The following CTNNA2 variants were observed in gnomAD, a reference collection of about 807,000 sequenced individuals.
The protein encoded by CTNNA2 is catenin alpha-2.
In CTNNA2, 42 loss-of-function variants were observed where a neutral mutation model predicts 101.0. That is an observed-to-expected ratio of 0.42 (90% CI 0.32 to 0.54). CTNNA2 has a LOEUF of 0.54. CTNNA2 is among the 20% of genes least tolerant of loss of function. The pLI is 0.14. For synonymous variants in CTNNA2, 450 were observed against 456.4 expected (o/e 0.99, Z 0.18); for missense variants, 871 against 1,223.1 (o/e 0.71, Z 4.29).
intron 7 of CTNNA2, among the ~76,000 whole-genome samples, chr2:80,198,591 G>A (rs1040691934): frequency 6.6e-6 from 1 of 152,142 alleles, no homozygotes; most frequent in African/African-American, 2.4e-5. Context: ...CATTCAATGT[G>A]TGAGACTGTT....
intron 7 of CTNNA2, among the ~76,000 whole-genome samples, chr2:79,962,619 G>T (rs1689721520): frequency 6.6e-6 from 1 of 152,128 alleles, no homozygotes; most frequent in South Asian, 2.1e-4. Context: ...CAACACAGTG[G>T]AGAACCAACT....
intron 7 of CTNNA2, among the ~76,000 whole-genome samples, chr2:80,079,557 G>T (rs895697129): frequency 2.0e-5 from 3 of 152,182 alleles, no homozygotes; most frequent in Non-Finnish European, 2.9e-5. Flanking sequence ...GCTCACGCCC[G>T]CAGTCCCAGT....
chr2:79,227,512 A>C (rs1434559569), intron 2 of CTNNA2, among the ~76,000 whole-genome samples: 1 of 152,160 alleles, frequency 6.6e-6, no homozygotes, highest in Non-Finnish European at 1.5e-5. Context: ...ACAATGTTAC[A>C]AGCATACCTC....
chr2:80,624,831 C>T (rs925052853), intron 18 of CTNNA2, among the ~76,000 whole-genome samples: 7 of 151,712 alleles, frequency 4.6e-5, no homozygotes, highest in Non-Finnish European at 7.4e-5. Flanking sequence ...CTAAGGTTGA[C>T]GACCTAAGGA....
At chr2:79,343,767 A>G (rs7603383) in intron 3 of CTNNA2, among the ~76,000 whole-genome samples, 17,957 of 151,240 alleles carry the variant, frequency 0.12, 1,319 homozygotes, top group East Asian at 0.35. Context: ...ATTTGCTACA[A>G]AGAATCCTAT....
rs1473617190 is a variant in CTNNA2, at chr2:79,893,151, A to G, written c.853-16443A>G. 2.0e-5 allele frequency among the ~76,000 whole-genome samples: 3 copies of G among 152,168 alleles called. No homozygotes were observed. In the East Asian group the frequency reaches 5.8e-4, roughly 29 times the overall value. On this transcript the variant is annotated intron_variant, in intron 6 of 18. Coordinates refer to ENST00000402739, the MANE Select transcript of CTNNA2 (RefSeq NM_001282597.3). ...ATATTTGAGAATAGTTGATTGTGCC[A>G]GACTGTTGTGTCTCATTATGAAAAA...
intron 7 of CTNNA2, among the ~76,000 whole-genome samples, chr2:80,191,682 C>G (rs577391466): frequency 5.3e-5 from 8 of 152,020 alleles, no homozygotes; most frequent in East Asian, 3.9e-4. Flanking sequence ...TGAAGAGTAA[C>G]AAAAAACATT....
chr2:80,253,862 G>T (rs1671945053), intron 7 of CTNNA2, among the ~76,000 whole-genome samples: 1 of 152,114 alleles, frequency 6.6e-6, no homozygotes, highest in East Asian at 1.9e-4. Flanking sequence ...TTGAATAATG[G>T]CATGGAGATA....
intron 17 of CTNNA2, among the ~76,000 whole-genome samples, chr2:80,613,811 G>A (rs114526238): frequency 0.012 from 1,756 of 151,548 alleles, 39 homozygotes; most frequent in African/African-American, 0.039. Context: ...TGGAGACATG[G>A]ATTGACCTTA....
intron 7 of CTNNA2, among the ~76,000 whole-genome samples, chr2:80,047,537 C>T (rs1696607670): frequency 6.6e-6 from 1 of 152,202 alleles, no homozygotes; most frequent in Non-Finnish European, 1.5e-5. Context: ...TGCTGACAAT[C>T]AGCAAGCCTC....
chr2:79,879,952 G>T (rs531706058), intron 6 of CTNNA2, among the ~76,000 whole-genome samples: 1 of 152,134 alleles, frequency 6.6e-6, no homozygotes, highest in South Asian at 2.1e-4. Flanking sequence ...ATTGGTTGTG[G>T]GTTTGTCATG....
chr2:80,505,252 G>A (rs1688176341), intron 9 of CTNNA2, among the ~76,000 whole-genome samples: 1 of 152,218 alleles, frequency 6.6e-6, no homozygotes, highest in African/African-American at 2.4e-5. Context: ...GTCAAAGTCA[G>A]GAAGAAAGTG....
intron 1 of CTNNA2, among the ~76,000 whole-genome samples, chr2:79,543,316 A>T (rs1329210164): frequency 6.6e-6 from 1 of 152,206 alleles, no homozygotes; most frequent in Non-Finnish European, 1.5e-5. Context: ...CCTATAAAAG[A>T]GTGTTAGGAT....
chr2:80,550,838 C>A (rs1430302776), intron 11 of CTNNA2, among the ~76,000 whole-genome samples: 1 of 152,116 alleles, frequency 6.6e-6, no homozygotes, highest in Non-Finnish European at 1.5e-5. Flanking sequence ...TTTCCAAACT[C>A]CTGTTAATGT....
chr2:79,698,815 C>G (rs1406177731), intron 2 of CTNNA2, among the ~76,000 whole-genome samples: 2 of 151,474 alleles, frequency 1.3e-5, no homozygotes, highest in Non-Finnish European at 2.9e-5. Context: ...TAAACATAAT[C>G]CCCATTTTGG....
At chr2:80,030,359 A>T (rs928590428) in intron 7 of CTNNA2, 2 of 152,202 alleles carry the variant, frequency 1.3e-5, no homozygotes, top group Non-Finnish European at 2.9e-5. Flanking sequence ...TAATGTCTGT[A>T]TGCAGTCTTT....
intron 7 of CTNNA2, among the ~76,000 whole-genome samples, chr2:80,057,104 A>G (rs942935424): frequency 2.6e-5 from 4 of 152,086 alleles, no homozygotes; most frequent in Admixed American, 1.3e-4. Context: ...CTGTTTAAAT[A>G]TTAATCAATT....
rs143122841 is a variant in CTNNA2, at chr2:79,360,452, A to G, written c.-317-13379A>G. ...AGTGTCATGTGGATGAGAAGCAGTA[A>G]TAGGGGAAACAAAGAAATGAGATGA... On this transcript the variant is annotated intron_variant, in intron 3 of 21. Coordinates refer to the CTNNA2 transcript ENST00000466387. Among the ~76,000 whole-genome samples the G allele has an allele frequency of 4.1e-4, 63 of 152,328 alleles. No individual in the cohort carries two copies. The East Asian group carries it at 0.011, about 27-fold the overall frequency.
chr2:79,669,359 C>T (rs1682661040), intron 2 of CTNNA2, among the ~76,000 whole-genome samples: 1 of 152,178 alleles, frequency 6.6e-6, no homozygotes, highest in Non-Finnish European at 1.5e-5. Flanking sequence ...ATCATGCGGG[C>T]TAGTCAGGTC....
Sources: allele counts gnomAD v4.1 joint callset (sites outside exome capture counted in the v4.1 genomes callset), GRCh38; gene constraint gnomAD v4.1.1; transcripts MANE v1.5; gene names NCBI Gene and HGNC (gene_info 2026-07-23, HGNC 2026-07-21).